YTHDC2: variants seen among roughly 807,000 people sequenced by gnomAD.
YTHDC2 encodes 3'-5' RNA helicase YTHDC2.
Under a neutral mutation model 174.9 loss-of-function variants are expected in YTHDC2, and 45 were observed. The observed-to-expected ratio is 0.26, with a 90% CI of 0.20 to 0.33. The LOEUF (loss-of-function observed/expected upper bound fraction) is 0.33. YTHDC2 is among the 10% of genes least tolerant of loss of function. The probability of loss-of-function intolerance (pLI) is 1.00; values close to 1 mark genes in which losing one functional copy is unlikely to be tolerated. For synonymous variants in YTHDC2, 657 were observed against 574.5 expected, an observed-to-expected ratio of 1.14 and a Z score of -2.05; for missense variants, 1,650 against 1,723.7, an observed-to-expected ratio of 0.96 and a Z score of 0.76.
chr5:113,553,475 T>C, intron 13 of YTHDC2, 115 bp from the exon 14 acceptor site: 33 of 1,420,564 alleles, frequency 2.3e-5, no homozygotes, highest in Non-Finnish European at 3.1e-5. Flanking sequence ...TAATCTCCTG[T>C]CATCTTATGA....
At chr5:113,542,211 T>G (rs527348350) in intron 9 of YTHDC2, among the ~76,000 whole-genome samples, 157 bp from the exon 10 acceptor site, 1 of 152,366 alleles carries the variant, frequency 6.6e-6, no homozygotes, top group South Asian at 2.1e-4. Flanking sequence ...TTGTGAGTGA[T>G]AATGTTTGTG....
In YTHDC2 at chr5:113,594,040, G is replaced by C. The variant is rs950655550; in HGVS notation, c.*566G>C. On this transcript the variant is annotated 3_prime_UTR_variant, in exon 30 of 30. Coordinates refer to ENST00000161863, the MANE Select transcript of YTHDC2 (RefSeq NM_022828.5). ...ATTCATTCTGCCATTTTTAACTTGAGACACATTTAAGAATAAAGTTGGATG... is the reference window on the plus strand; with the variant it reads ...ATTCATTCTGCCATTTTTAACTTGACACACATTTAAGAATAAAGTTGGATG... 1.3e-5 allele frequency: 2 copies of C among 152,112 alleles called. No homozygotes were observed. The highest frequency in any genetic ancestry group is 2.4e-5 in the African/African-American group (1 of 41,422). The allele number at this position is 152,112 out of a possible 1,614,324, so 9.4% of individuals were successfully genotyped here. A position where few individuals can be genotyped will look rare whatever the true frequency, so the allele number is the denominator to read the frequency against.
At chr5:113,530,806 G>A (rs886933636) in intron 4 of YTHDC2, among the ~76,000 whole-genome samples, 1 of 151,142 alleles carries the variant, frequency 6.6e-6, no homozygotes, top group Non-Finnish European at 1.5e-5. Context: ...TCAAGTTTCT[G>A]GCCTATGTTA....
chr5:113,579,593 C>G lies in YTHDC2; in HGVS notation c.3252C>G (p.Gly1084=). The G allele has an allele frequency of 6.3e-7, 1 of 1,597,716 alleles. No individual in the cohort carries two copies. The highest frequency in any genetic ancestry group is 8.5e-7 in the Non-Finnish European group (1 of 1,171,984). The stretch of plus-strand genomic sequence containing the variant: ...CATTATGTACTTGGACAGTGGATGG[C>G]ATTCCCAATGACAGTAGTGATAGTG... The part of the protein sequence containing the change: ...LQEPSSFRVD[G]IPNDSSDSEM... The change falls in exon 24 of 30, where the codon GGC becomes GGG. Residue 1084 remains glycine, a synonymous_variant. Transcript: ENST00000161863.
At chr5:113,579,743 G>A in intron 24 of YTHDC2, 48 bp downstream of exon 24, 5 of 1,520,240 alleles carry the variant, frequency 3.3e-6, no homozygotes, top group Non-Finnish European at 4.4e-6. Context: ...TTCAGTTAGT[G>A]TGAATTGATA....
chr5:113,591,852 A>T, intron 27 of YTHDC2, 144 bp from the exon 28 acceptor site: 1 of 597,934 alleles, frequency 1.7e-6, no homozygotes, highest in Non-Finnish European at 2.5e-6. Context: ...TTAGTAGCTT[A>T]TTTTTTGTTT....
chr5:113,524,623 A>G (rs951174888), intron 2 of YTHDC2, among the ~76,000 whole-genome samples: 3 of 151,964 alleles, frequency 2.0e-5, no homozygotes, highest in African/African-American at 7.2e-5. Context: ...TTTAGGTTCT[A>G]TTGTTCAGAT....
rs532268527 is a variant in YTHDC2, at chr5:113,526,248, G to C, written c.476-338G>C. On this transcript the variant is annotated intron_variant, in intron 3 of 29. Coordinates refer to ENST00000161863, the MANE Select transcript of YTHDC2 (RefSeq NM_022828.5). ...TTATAACAAGCCTAAAAATCATCTA[G>C]ATTATCAAGATTGTTTTATTTTTAA... Among the ~76,000 whole-genome samples the C allele has an allele frequency of 1.9e-4, 29 of 151,910 alleles. No individual in the cohort carries two copies. The South Asian group carries it at 5.8e-3, about 30-fold the overall frequency.
chr5:113,517,495 A>G (rs1773518351), intron 2 of YTHDC2: 1 of 454,870 alleles, frequency 2.2e-6, no homozygotes, highest in South Asian at 1.6e-5. Context: ...GAATGAATAG[A>G]TATCTTGGGA....
At chr5:113,524,094 G>T (rs1296685724) in intron 2 of YTHDC2, among the ~76,000 whole-genome samples, 1 of 152,004 alleles carries the variant, frequency 6.6e-6, no homozygotes. Flanking sequence ...ATTGTGTTGG[G>T]CTCAGAGCCA....
At chr5:113,560,457 C>T (rs1025349249) in intron 17 of YTHDC2, among the ~76,000 whole-genome samples, 3 of 152,118 alleles carry the variant, frequency 2.0e-5, no homozygotes, top group African/African-American at 7.2e-5. Flanking sequence ...TTTTATAGCT[C>T]TTATAATGTG....
chr5:113,550,871 A>G (rs931091771), intron 12 of YTHDC2, among the ~76,000 whole-genome samples: 5 of 152,106 alleles, frequency 3.3e-5, no homozygotes, highest in African/African-American at 1.2e-4. Context: ...TACATTAGAT[A>G]TTTAAATAAA....
rs147308016 is a variant in YTHDC2 at position 113,593,761 on chromosome 5, A to G, written c.*287A>G. The G allele has an allele frequency of 8.7e-4, 137 of 157,310 alleles. No homozygotes were observed. Among genetic ancestry groups the G allele is most frequent in the African/African-American group, 3.0e-3 (126 of 41,680 alleles). 9.7% of individuals were successfully genotyped at this position (157,310 alleles called of 1,614,324 possible). ...CAAACAATTTGAAGTTAAACATTTC[A>G]TTTTTAAAAACACTGAATTACAGTT... On this transcript the variant is annotated 3_prime_UTR_variant, in exon 30 of 30. Coordinates refer to ENST00000161863, the MANE Select transcript of YTHDC2 (RefSeq NM_022828.5).
chr5:113,567,405 T>TAC (rs1777413209), intron 22 of YTHDC2, 108 bp downstream of exon 22: 2 of 95,302 alleles, frequency 2.1e-5, no homozygotes, highest in Non-Finnish European at 3.3e-5. Context: ...ATTAATTAGT[T>TAC]ATATATATAT....
intron 26 of YTHDC2, among the ~76,000 whole-genome samples, chr5:113,588,896 A>T (rs1778836346): frequency 6.6e-6 from 1 of 151,968 alleles, no homozygotes; most frequent in Non-Finnish European, 1.5e-5. Flanking sequence ...AAGTGCTGGG[A>T]TTGCACGCGT....
intron 12 of YTHDC2, among the ~76,000 whole-genome samples, chr5:113,552,374 A>G (rs1440404078): frequency 1.3e-5 from 2 of 152,082 alleles, no homozygotes; most frequent in Non-Finnish European, 2.9e-5. Flanking sequence ...GCTTTAGACC[A>G]ACCACTAATC....
intron 4 of YTHDC2, among the ~76,000 whole-genome samples, chr5:113,528,250 G>A (rs894278095): frequency 6.6e-6 from 1 of 152,068 alleles, no homozygotes; most frequent in African/African-American, 2.4e-5. Flanking sequence ...AAGGATACTT[G>A]TGAATTTAAT....
chr5:113,550,170 G>C (rs561060300), intron 12 of YTHDC2, among the ~76,000 whole-genome samples: 20 of 151,962 alleles, frequency 1.3e-4, no homozygotes, highest in African/African-American at 4.8e-4. Context: ...TAGGTGAAAG[G>C]AATGCTCAGG....
At chr5:113,549,820 C>G (rs757314599) in intron 12 of YTHDC2, among the ~76,000 whole-genome samples, 1 of 151,862 alleles carries the variant, frequency 6.6e-6, no homozygotes, top group Non-Finnish European at 1.5e-5. Context: ...TATCTCTTCT[C>G]CCTACCAGAA....
Sources: allele counts gnomAD v4.1 joint callset (sites outside exome capture counted in the v4.1 genomes callset), GRCh38; gene constraint gnomAD v4.1.1; transcripts MANE v1.5; gene names NCBI Gene and HGNC (gene_info 2026-07-23, HGNC 2026-07-21).